The following ZFAND6 variants were observed in gnomAD, a reference collection of about 807,000 sequenced individuals.
The protein encoded by ZFAND6 is zinc finger AN1-type containing 6.
ZFAND6 carries 12 observed loss-of-function variants against 24.5 expected under a neutral mutation model. The ratio of observed to expected loss-of-function variants is 0.49; its 90% CI spans 0.31 to 0.79. ZFAND6 has a LOEUF of 0.79. Among genes scored for constraint, ZFAND6 ranks in the 30% least tolerant of loss-of-function variants. ZFAND6 has a pLI of 0.04. For synonymous variants in ZFAND6, 92 were observed against 81.5 expected (o/e 1.13, Z -0.69); for missense variants, 207 against 245.9 (o/e 0.84, Z 1.06).
intron 1 of ZFAND6, among the ~76,000 whole-genome samples, chr15:80,092,948 G>A: frequency 7.5e-6 from 1 of 133,446 alleles, no homozygotes; most frequent in African/African-American, 2.7e-5. Context: ...TTAAATATTG[G>A]CTACTACAAT....
intron 5 of ZFAND6, among the ~76,000 whole-genome samples, chr15:80,123,986 G>C (rs925445407): frequency 1.9e-4 from 29 of 152,148 alleles, no homozygotes; most frequent in Admixed American, 1.9e-3. Flanking sequence ...TGTAGATTTT[G>C]CCGTAACAAA....
At chr15:80,108,024 G>C (rs2141970776) in intron 2 of ZFAND6, among the ~76,000 whole-genome samples, 1 of 152,254 alleles carries the variant, frequency 6.6e-6, no homozygotes, top group East Asian at 1.9e-4. Context: ...GTGTGTCCTT[G>C]AACAGTTTAT....
intron 2 of ZFAND6, among the ~76,000 whole-genome samples, chr15:80,117,892 G>A (rs537352612): frequency 6.6e-6 from 1 of 152,164 alleles, no homozygotes; most frequent in East Asian, 1.9e-4. Flanking sequence ...GGTGAAAAAG[G>A]CAAATAACTC....
chr15:80,087,414 A>G (rs150750010), intron 1 of ZFAND6, among the ~76,000 whole-genome samples: 178 of 152,148 alleles, frequency 1.2e-3, no homozygotes, highest in African/African-American at 4.1e-3. Context: ...ACTAATAACA[A>G]CTCTGATTTG....
At chr15:80,130,818 G>A (rs530766747) in intron 5 of ZFAND6, 1 of 186,266 alleles carries the variant, frequency 5.4e-6, no homozygotes, top group Non-Finnish European at 1.1e-5. Flanking sequence ...TAAGAACTAT[G>A]CATATGGCTA....
chr15:80,092,671 T>C (rs1265653933), intron 1 of ZFAND6, among the ~76,000 whole-genome samples: 1 of 152,142 alleles, frequency 6.6e-6, no homozygotes, highest in Non-Finnish European at 1.5e-5. Context: ...CAGTGGTGGG[T>C]GAATGGGTTC....
At chr15:80,060,788 G>C (rs1228653807) in intron 1 of ZFAND6, 2 of 152,256 alleles carry the variant, frequency 1.3e-5, no homozygotes, top group Admixed American at 6.5e-5. Context: ...TGGGTGTGGT[G>C]GCGGGCGCCG....
At chr15:80,106,463 G>T (rs2039331188) in intron 2 of ZFAND6, among the ~76,000 whole-genome samples, 2 of 151,920 alleles carry the variant, frequency 1.3e-5, no homozygotes, top group African/African-American at 4.8e-5. Context: ...AGACTCTATG[G>T]CCCACAAAGC....
chr15:80,073,711 T>C (rs2037107677), intron 1 of ZFAND6, among the ~76,000 whole-genome samples: 1 of 151,980 alleles, frequency 6.6e-6, no homozygotes, highest in Non-Finnish European at 1.5e-5. Context: ...TTCCCTTCTC[T>C]GTCTTATATT....
chr15:80,063,087 A>C (rs777869815), intron 1 of ZFAND6, among the ~76,000 whole-genome samples: 7 of 152,220 alleles, frequency 4.6e-5, no homozygotes, highest in Non-Finnish European at 8.8e-5. Flanking sequence ...GCTTTTCAAT[A>C]TACCAAATAA....
chr15:80,137,082 C>T (rs1419117686), intron 6 of ZFAND6, among the ~76,000 whole-genome samples: 1 of 152,208 alleles, frequency 6.6e-6, no homozygotes, highest in Non-Finnish European at 1.5e-5. Flanking sequence ...TCTTTGTTAA[C>T]AGTTCTTTCA....
At chr15:80,121,961 TA>T in intron 4 of ZFAND6, 141 bp downstream of exon 4, 1 of 692,746 alleles carries the variant, frequency 1.4e-6, no homozygotes, top group Non-Finnish European at 2.3e-6. Flanking sequence ...TATAACTAGT[TA>T]GAAAAAGCGA....
At chr15:80,111,484 G>A (rs1264797015) in intron 2 of ZFAND6, 1 of 455,510 alleles carries the variant, frequency 2.2e-6, no homozygotes, top group Non-Finnish European at 4.4e-6. Flanking sequence ...GTCGCCGGTA[G>A]CCACCTAAGA....
At position 80,076,337 on chromosome 15, in the gene ZFAND6, C is replaced by T. The variant is rs548606156; in HGVS notation, c.-181+16528C>T. On this transcript the variant is annotated intron_variant, in intron 1 of 6. Coordinates refer to ENST00000261749, the MANE Select transcript of ZFAND6 (RefSeq NM_019006.4). ...ATTCTTCTTCATCACCAGTTAGCCA[C>T]AATTAGCCTATAAATTTTAAATTCA... 1.3e-4 allele frequency among the ~76,000 whole-genome samples: 20 copies of T among 152,104 alleles called. No homozygotes were observed. In the South Asian group the frequency reaches 3.5e-3, roughly 27 times the overall value.
intron 4 of ZFAND6, among the ~76,000 whole-genome samples, chr15:80,122,420 A>G (rs1022741907): frequency 1.3e-5 from 2 of 151,740 alleles, no homozygotes; most frequent in African/African-American, 4.8e-5. Context: ...TTCTTTAAGC[A>G]TGTCTTTATC....
rs534389184 is a variant in ZFAND6, at chr15:80,065,452, C to A, written c.-181+5643C>A. On this transcript the variant is annotated intron_variant, in intron 1 of 6. Coordinates refer to ENST00000261749, the MANE Select transcript of ZFAND6 (RefSeq NM_019006.4). ...TTCTGTTATTGTTTAAGTCTCCCCC[C>A]CATCCCCCTTTTTTGGTTGTTGCTT... 4.6e-5 allele frequency among the ~76,000 whole-genome samples: 7 copies of A among 151,886 alleles called. No homozygotes were observed. The South Asian group carries it at 6.2e-4, about 14-fold the overall frequency.
intron 6 of ZFAND6, among the ~76,000 whole-genome samples, chr15:80,136,262 C>G (rs989874259): frequency 7.2e-5 from 11 of 152,064 alleles, no homozygotes; most frequent in Non-Finnish European, 1.3e-4. Context: ...GTCAGGAGAT[C>G]TAGACCATCC....
intron 5 of ZFAND6, among the ~76,000 whole-genome samples, chr15:80,127,310 G>A (rs953017278): frequency 2.0e-5 from 3 of 151,500 alleles, no homozygotes; most frequent in Non-Finnish European, 2.9e-5. Context: ...CAACAGGGCC[G>A]GGTGCGGTGG....
chr15:80,076,138 A>G (rs2037261257), intron 1 of ZFAND6, among the ~76,000 whole-genome samples: 1 of 152,062 alleles, frequency 6.6e-6, no homozygotes, highest in Non-Finnish European at 1.5e-5. Context: ...TTCCCTTTTG[A>G]TAATCTCCAG....
Sources: allele counts gnomAD v4.1 joint callset (sites outside exome capture counted in the v4.1 genomes callset), GRCh38; gene constraint gnomAD v4.1.1; transcripts MANE v1.5; gene names NCBI Gene and HGNC (gene_info 2026-07-23, HGNC 2026-07-21).